Variants in NXPH2 observed in about 807,000 individuals in gnomAD.
NXPH2 encodes the protein neurexophilin 2.
A neutral mutation model predicts 19.8 loss-of-function variants in NXPH2; 5 were observed. The ratio of observed to expected loss-of-function variants is 0.25; its 90% CI spans 0.13 to 0.53. NXPH2 has a LOEUF of 0.53. NXPH2 is among the 20% of genes least tolerant of loss of function. The pLI is 0.96. For missense variants in NXPH2, 289 were observed against 322.8 expected (o/e 0.90, Z 0.80); for synonymous variants, 154 against 127.4 (o/e 1.21, Z -1.41).
chr2:138,681,998 T>C (rs919693176), intron 1 of NXPH2, among the ~76,000 whole-genome samples: 30 of 152,160 alleles, frequency 2.0e-4, no homozygotes, highest in African/African-American at 5.6e-4. Context: ...AGTTGAAGAA[T>C]TATAGAACCA....
intron 1 of NXPH2, among the ~76,000 whole-genome samples, chr2:138,706,914 A>G (rs1363447720): frequency 6.6e-5 from 10 of 151,600 alleles, no homozygotes; most frequent in Admixed American, 6.6e-4. Context: ...AAAATAAACT[A>G]AAATAAAGAA....
intron 1 of NXPH2, among the ~76,000 whole-genome samples, chr2:138,702,316 T>C (rs1421661539): frequency 6.6e-6 from 1 of 152,128 alleles, no homozygotes; most frequent in Non-Finnish European, 1.5e-5. Flanking sequence ...ACAGGAAGTC[T>C]TGCTATTTTG....
chr2:138,729,079 T>C (rs1359754388), intron 1 of NXPH2, among the ~76,000 whole-genome samples: 4 of 152,262 alleles, frequency 2.6e-5, no homozygotes, highest in South Asian at 4.1e-4. Context: ...GATTACAATG[T>C]ATGGTTCCAT....
intron 1 of NXPH2, among the ~76,000 whole-genome samples, chr2:138,745,547 G>A (rs979903043): frequency 7.4e-5 from 11 of 149,456 alleles, no homozygotes; most frequent in South Asian, 4.2e-4. Flanking sequence ...AAAGTCTTAC[G>A]CAAAAAGTTA....
At chr2:138,705,173 A>G (rs1389526402) in intron 1 of NXPH2, among the ~76,000 whole-genome samples, 1 of 152,054 alleles carries the variant, frequency 6.6e-6, no homozygotes, top group East Asian at 1.9e-4. Flanking sequence ...TACGTTGCTC[A>G]GGCTGGTCTC....
chr2:138,715,015 G>A (rs972957914), intron 1 of NXPH2, among the ~76,000 whole-genome samples: 2 of 152,266 alleles, frequency 1.3e-5, no homozygotes, highest in African/African-American at 4.8e-5. Flanking sequence ...ACTTAGAAGT[G>A]AAATTTGAAG....
At chr2:138,680,545 G>C (rs1680564382) in intron 1 of NXPH2, among the ~76,000 whole-genome samples, 1 of 152,166 alleles carries the variant, frequency 6.6e-6, no homozygotes, top group African/African-American at 2.4e-5. Context: ...AGACAGCAAG[G>C]GGGTGAAGCA....
chr2:138,722,424 C>T (rs1371689338), intron 1 of NXPH2, among the ~76,000 whole-genome samples: 1 of 152,178 alleles, frequency 6.6e-6, no homozygotes, highest in Non-Finnish European at 1.5e-5. Flanking sequence ...GGAGCGGAGC[C>T]TGGGCAGGGC....
chr2:138,715,596 TGGA>T (rs1681185391), intron 1 of NXPH2, among the ~76,000 whole-genome samples: 1 of 152,164 alleles, frequency 6.6e-6, no homozygotes, highest in Non-Finnish European at 1.5e-5. Flanking sequence ...GTGGGGCATG[TGGA>T]CAGGTGGGTT....
At chr2:138,727,170 A>C (rs1367728507) in intron 1 of NXPH2, among the ~76,000 whole-genome samples, 2 of 152,164 alleles carry the variant, frequency 1.3e-5, no homozygotes, top group Non-Finnish European at 2.9e-5. Flanking sequence ...CAGTTTATTT[A>C]TCCACTCACC....
At chr2:138,778,217 T>C (rs1427455207) in intron 1 of NXPH2, among the ~76,000 whole-genome samples, 4 of 152,222 alleles carry the variant, frequency 2.6e-5, no homozygotes, top group African/African-American at 9.6e-5. Flanking sequence ...GATGGCAGCG[T>C]AAGGAATGTG....
intron 1 of NXPH2, among the ~76,000 whole-genome samples, chr2:138,691,205 T>C (rs1265376544): frequency 6.6e-6 from 1 of 152,210 alleles, no homozygotes; most frequent in African/African-American, 2.4e-5. Flanking sequence ...TAAGTACTTG[T>C]TGGGTTTCCA....
chr2:138,690,997 G>A (rs764604056), intron 1 of NXPH2, among the ~76,000 whole-genome samples: 5 of 152,292 alleles, frequency 3.3e-5, no homozygotes, highest in African/African-American at 4.8e-5. Context: ...GCCAGAGCTC[G>A]CCATCACAAC....
chr2:138,691,209 G>A (rs1462003128), intron 1 of NXPH2, among the ~76,000 whole-genome samples: 3 of 152,172 alleles, frequency 2.0e-5, no homozygotes, highest in African/African-American at 7.2e-5. Flanking sequence ...TACTTGTTGG[G>A]TTTCCAGGTG....
chr2:138,733,716 C>T (rs1196286909), intron 1 of NXPH2, among the ~76,000 whole-genome samples: 1 of 152,132 alleles, frequency 6.6e-6, no homozygotes, highest in Admixed American at 6.6e-5. Flanking sequence ...CTATAGGTGA[C>T]TATCAAAGGA....
chr2:138,740,915 C>A (rs1033212203), intron 1 of NXPH2, among the ~76,000 whole-genome samples: 1 of 150,212 alleles, frequency 6.7e-6, no homozygotes, highest in Non-Finnish European at 1.5e-5. Flanking sequence ...CCCTTTTGAA[C>A]AGCCAATACA....
intron 1 of NXPH2, among the ~76,000 whole-genome samples, chr2:138,762,499 T>A (rs906172599): frequency 2.6e-5 from 4 of 152,276 alleles, no homozygotes; most frequent in East Asian, 3.9e-4. Flanking sequence ...AAAAACAAAA[T>A]AAAATATTAT....
intron 1 of NXPH2, among the ~76,000 whole-genome samples, chr2:138,766,699 C>A (rs763501105): frequency 3.3e-5 from 5 of 152,138 alleles, no homozygotes; most frequent in Non-Finnish European, 5.9e-5. Context: ...GCTGAAAAGA[C>A]CACCTTCATT....
intron 1 of NXPH2, among the ~76,000 whole-genome samples, chr2:138,686,504 G>GT (rs1389970704): frequency 2.0e-5 from 3 of 151,862 alleles, no homozygotes; most frequent in African/African-American, 7.3e-5. Flanking sequence ...CTTTATTGAG[G>GT]TATGATTGAT....
Sources: allele counts gnomAD v4.1 joint callset (sites outside exome capture counted in the v4.1 genomes callset), GRCh38; gene constraint gnomAD v4.1.1; transcripts MANE v1.5; gene names NCBI Gene and HGNC (gene_info 2026-07-23, HGNC 2026-07-21).